MCPH1: variants seen among roughly 807,000 people sequenced by gnomAD.
MCPH1 encodes the protein microcephalin 1, also known as microcephalin.
A neutral mutation model predicts 84.5 loss-of-function variants in MCPH1; 104 were observed. The observed-to-expected ratio is 1.23, with a 90% CI of 1.05 to 1.45. MCPH1 has a LOEUF of 1.45. Ranked by LOEUF, MCPH1 falls within the 40% of genes most tolerant of loss-of-function variation. The pLI is 0.00. For synonymous variants in MCPH1, 514 were observed against 366.8 expected (o/e 1.40, Z -4.58); for missense variants, 1,498 against 1,005.7 (o/e 1.49, Z -6.62).
Position 6,503,155 on chromosome 8 carries a change from G to C in MCPH1, c.2214+3226G>C, listed in dbSNP as rs781086750. The C allele has an allele frequency of 6.8e-6, 11 of 1,614,078 alleles. No homozygotes were observed. The Admixed American group carries it at 1.8e-4, about 27-fold the overall frequency. On this transcript the variant is annotated intron_variant, in intron 12 of 13. Transcript: ENST00000344683. ...TTGTGGCCTTGAGCGAATAGCCTGA[G>C]CCTTTCCAGTAGTACCATTTAATGC...
chr8:6,497,495 G>A (rs973503249), intron 11 of MCPH1, among the ~76,000 whole-genome samples: 7 of 151,902 alleles, frequency 4.6e-5, no homozygotes, highest in East Asian at 3.9e-4. Flanking sequence ...GAGGAAGACT[G>A]TCTAAAAAAA....
At chr8:6,581,433 A>G (rs574790997) in intron 12 of MCPH1, among the ~76,000 whole-genome samples, 8 of 152,368 alleles carry the variant, frequency 5.3e-5, no homozygotes, top group East Asian at 1.9e-4. Flanking sequence ...CTGTTGAATC[A>G]TGTGGTGAAT....
intron 12 of MCPH1, among the ~76,000 whole-genome samples, chr8:6,560,792 G>A (rs965018673): frequency 6.6e-6 from 1 of 152,160 alleles, no homozygotes; most frequent in Non-Finnish European, 1.5e-5. Flanking sequence ...CAAGAGAAGG[G>A]GTAGTTTACC....
At position 6,444,819 on chromosome 8, in the gene MCPH1, C is replaced by T. The variant is rs1431763645; in HGVS notation, c.1097C>T (p.Pro366Leu). The T allele has an allele frequency of 5.0e-6, 8 of 1,614,132 alleles. No homozygotes were observed. In the East Asian group the frequency reaches 8.9e-5, roughly 18 times the overall value. Reference sequence around the variant, plus strand: ...AGAGTATCACATGGCTCCCATTCACCTCCGAAGGAAAAATGCAAGAGAAAG... The same window carrying T: ...AGAGTATCACATGGCTCCCATTCACTTCCGAAGGAAAAATGCAAGAGAAAG... ...RKRVSHGSHSPPKEKCKRKRS... is the reference protein window; with the variant it reads ...RKRVSHGSHSLPKEKCKRKRS... Residue 366 changes from proline (P) to leucine (L), a missense_variant, in exon 8 of 14, where the codon CCT becomes CTT. By Grantham distance (98) the Pro-to-Leu change is moderately conservative (BLOSUM62 -3). Coordinates refer to ENST00000344683, the MANE Select transcript of MCPH1 (RefSeq NM_024596.5).
At chr8:6,481,209 A>T (rs1330444527) in intron 11 of MCPH1, among the ~76,000 whole-genome samples, 1 of 152,210 alleles carries the variant, frequency 6.6e-6, no homozygotes, top group Non-Finnish European at 1.5e-5. Context: ...TCTATGTGTG[A>T]CCAAGAAACA....
At chr8:6,432,511 G>A (rs1801998485) in intron 4 of MCPH1, among the ~76,000 whole-genome samples, 1 of 152,026 alleles carries the variant, frequency 6.6e-6, no homozygotes, top group African/African-American at 2.4e-5. Flanking sequence ...CAACCTTTTC[G>A]GCTTTCTATT....
intron 12 of MCPH1, among the ~76,000 whole-genome samples, chr8:6,561,039 G>A (rs1364768535): frequency 1.3e-5 from 2 of 152,212 alleles, no homozygotes; most frequent in African/African-American, 4.8e-5. Flanking sequence ...TTAACCATCA[G>A]CTTGACGGTT....
intron 4 of MCPH1, 27 bp downstream of exon 4, chr8:6,431,613 A>C: frequency 7.1e-7 from 1 of 1,410,758 alleles, no homozygotes; most frequent in Non-Finnish European, 1.0e-6. Context: ...AATGTAGATA[A>C]TGGCAATTAG....
intron 4 of MCPH1, 26 bp downstream of exon 4, chr8:6,431,612 A>G: frequency 7.1e-7 from 1 of 1,413,398 alleles, no homozygotes; most frequent in Non-Finnish European, 9.9e-7. Flanking sequence ...CAATGTAGAT[A>G]ATGGCAATTA....
intron 12 of MCPH1, among the ~76,000 whole-genome samples, chr8:6,603,675 C>T (rs938413504): frequency 2.6e-5 from 4 of 152,192 alleles, no homozygotes; most frequent in Non-Finnish European, 4.4e-5. Flanking sequence ...ACTCCTTATT[C>T]ATAAGGCTGA....
At chr8:6,625,545 AAATT>A (rs1831982075) in intron 13 of MCPH1, 13 of 982,426 alleles carry the variant, frequency 1.3e-5, no homozygotes, top group Non-Finnish European at 1.6e-5. Context: ...TAAATAAATT[AAATT>A]ATGAAAAGAC....
chr8:6,407,347 C>T (rs1008713687), intron 1 of MCPH1, among the ~76,000 whole-genome samples: 1 of 152,036 alleles, frequency 6.6e-6, no homozygotes, highest in East Asian at 1.9e-4. Context: ...TATCAACTCT[C>T]TTATATCATT....
chr8:6,585,367 G>A (rs1342939619), intron 12 of MCPH1, among the ~76,000 whole-genome samples: 5 of 152,196 alleles, frequency 3.3e-5, no homozygotes, highest in Admixed American at 2.0e-4. Flanking sequence ...CAGGGAGGGA[G>A]AAGCTGTGTG....
At chr8:6,622,354 C>T (rs1258353909) in intron 13 of MCPH1, 1 of 156,240 alleles carries the variant, frequency 6.4e-6, no homozygotes, top group Non-Finnish European at 1.4e-5. Context: ...CTCCAGGAGA[C>T]TTGCAGGTGA....
At position 6,621,617 on chromosome 8, in the gene MCPH1, C is replaced by G. The variant is rs781673106; in HGVS notation, c.2378C>G (p.Ala793Gly). 1.9e-6 allele frequency: 3 copies of G among 1,614,246 alleles called. No homozygotes were observed. The highest frequency in any genetic ancestry group is 1.6e-4 in the Middle Eastern group (1 of 6,062). Residue 793 changes from alanine (A) to glycine (G), a missense_variant, in exon 13 of 14, where the codon GCC (alanine) becomes GGC (glycine). Ala to Gly is a moderately conservative substitution (Grantham distance 60). Transcript: ENST00000344683. Reference sequence around the variant, plus strand: ...CGGGTCAGCCAAGTCCCCCGCCAGGCCAGCATCGTCATCGGGCCCTACAGC... The same window carrying G: ...CGGGTCAGCCAAGTCCCCCGCCAGGGCAGCATCGTCATCGGGCCCTACAGC... ...GGRVSQVPRQ[A>G]SIVIGPYSGK...
intron 12 of MCPH1, chr8:6,508,685 CTTG>C: frequency 1.7e-6 from 1 of 602,180 alleles, no homozygotes; most frequent in African/African-American, 1.9e-5. Context: ...ATCCCCTCTC[CTTG>C]CCAGGGCTAG....
At chr8:6,476,099 C>G (rs748346878) in intron 9 of MCPH1, among the ~76,000 whole-genome samples, 6 of 152,118 alleles carry the variant, frequency 3.9e-5, no homozygotes, top group Non-Finnish European at 8.8e-5. Context: ...ACAATACAGA[C>G]ATACAAACAG....
At chr8:6,425,536 A>G (rs1800926446) in intron 3 of MCPH1, among the ~76,000 whole-genome samples, 2 of 152,146 alleles carry the variant, frequency 1.3e-5, no homozygotes, top group Non-Finnish European at 2.9e-5. Flanking sequence ...CAGGTAGATG[A>G]AATTCAGGGA....
At chr8:6,518,221 T>C (rs1816660138) in intron 12 of MCPH1, among the ~76,000 whole-genome samples, 1 of 152,144 alleles carries the variant, frequency 6.6e-6, no homozygotes, top group Non-Finnish European at 1.5e-5. Flanking sequence ...TTCACATGCA[T>C]CCTCTGTCCC....
Sources: gnomAD v4.1 joint callset for allele counts (sites outside exome capture counted in the v4.1 genomes callset) on GRCh38, gnomAD v4.1.1 for gene constraint, MANE v1.5 for transcripts, NCBI Gene and HGNC (gene_info 2026-07-23, HGNC 2026-07-21) for gene names.